Variants in PARVB observed in about 807,000 individuals in gnomAD.
PARVB encodes the protein parvin beta, also known as beta-parvin.
In PARVB, 46 loss-of-function variants were observed where a neutral mutation model predicts 47.0. That is an observed-to-expected ratio of 0.98 (90% CI 0.77 to 1.25). The LOEUF is 1.25. Ranked by LOEUF, PARVB falls within the 50% of genes most tolerant of loss-of-function variation. The probability of loss-of-function intolerance (pLI) is 0.00; values close to 1 mark genes in which losing one functional copy is unlikely to be tolerated. For missense variants in PARVB, 473 were observed against 471.6 expected (o/e 1.00, Z -0.03); for synonymous variants, 196 against 196.3 (o/e 1.00, Z 0.01).
At chr22:44,074,295 T>C (rs1021961618) in intron 1 of PARVB, among the ~76,000 whole-genome samples, 1 of 152,114 alleles carries the variant, frequency 6.6e-6, no homozygotes, top group African/African-American at 2.4e-5. Context: ...ACGGCCTGGG[T>C]GAGCAACACT....
At chr22:44,063,969 G>A (rs1383508481) in intron 1 of PARVB, among the ~76,000 whole-genome samples, 2 of 152,192 alleles carry the variant, frequency 1.3e-5, no homozygotes, top group Non-Finnish European at 2.9e-5. Flanking sequence ...GGTGCGGTGC[G>A]GCCTTTGATA....
chr22:44,033,892 CTTG>C (rs1481718490), intron 1 of PARVB, among the ~76,000 whole-genome samples: 3 of 152,194 alleles, frequency 2.0e-5, no homozygotes, highest in South Asian at 4.1e-4. Context: ...CCTGTCTGCC[CTTG>C]TTGTTTTCTG....
At chr22:44,139,119 G>C (rs1391552804) in intron 7 of PARVB, 3 of 152,228 alleles carry the variant, frequency 2.0e-5, no homozygotes, top group Non-Finnish European at 4.4e-5. Flanking sequence ...TGGTTCTCCA[G>C]GATCCTTTAG....
intron 2 of PARVB, among the ~76,000 whole-genome samples, chr22:44,095,764 C>T (rs974244279): frequency 3.3e-5 from 5 of 152,200 alleles, no homozygotes; most frequent in African/African-American, 7.2e-5. Context: ...AGGGAAGTCC[C>T]GGTTCATCCC....
intron 7 of PARVB, chr22:44,139,914 A>G (rs1330822188): frequency 2.5e-6 from 1 of 402,668 alleles, no homozygotes; most frequent in Non-Finnish European, 4.6e-6. Context: ...TTGTGCAAAC[A>G]TTAATAATTC....
At chr22:44,136,613 G>T in intron 7 of PARVB, 95 bp downstream of exon 7, 1 of 994,980 alleles carries the variant, frequency 1.0e-6, no homozygotes, top group Non-Finnish European at 1.6e-6. Context: ...AGCGCCCATG[G>T]GGCTGCTCCC....
At chr22:44,020,656 C>T (rs915320228), upstream of PARVB, among the ~76,000 whole-genome samples, 17 of 152,180 alleles carry the variant, frequency 1.1e-4, no homozygotes, top group Admixed American at 8.5e-4. Flanking sequence ...TTCTGATGAA[C>T]ACCAGAGGAA....
In PARVB at chr22:44,155,886, C is replaced by G. The variant is rs540987215; in HGVS notation, c.844-2096C>G. Among the ~76,000 whole-genome samples the G allele has an allele frequency of 2.0e-5, 3 of 152,246 alleles. No individual in the cohort carries two copies. In the South Asian group the frequency reaches 6.2e-4, roughly 32 times the overall value. ...CGTGTTGAATTTCCAGGCGCAGTGG[C>G]TCATGCCTGCAATCCTAGCACTTTG... On this transcript the variant is annotated intron_variant, in intron 10 of 12. Coordinates refer to ENST00000338758, the MANE Select transcript of PARVB (RefSeq NM_013327.5). The surrounding 1 kb of genome is among the most constrained non-coding windows in gnomAD (Gnocchi z 4.8).
intron 3 of PARVB, among the ~76,000 whole-genome samples, chr22:44,117,291 A>G (rs2052929768): frequency 6.8e-6 from 1 of 148,144 alleles, no homozygotes; most frequent in Non-Finnish European, 1.5e-5. Flanking sequence ...GCATCATGTA[A>G]GGGTCAGGGG....
At chr22:44,062,037 T>C (rs989628448) in intron 1 of PARVB, among the ~76,000 whole-genome samples, 3 of 152,202 alleles carry the variant, frequency 2.0e-5, no homozygotes, top group African/African-American at 7.2e-5. Context: ...ATCAAGGCGA[T>C]TGACTGTACT....
intron 2 of PARVB, among the ~76,000 whole-genome samples, chr22:44,016,500 CCAGA>C (rs2050584993): frequency 6.6e-6 from 1 of 152,120 alleles, no homozygotes; most frequent in Non-Finnish European, 1.5e-5. Flanking sequence ...GGGTATCACC[CCAGA>C]CAAATGAGGC....
chr22:44,060,663 G>T (rs533148912), intron 1 of PARVB, among the ~76,000 whole-genome samples: 2 of 152,078 alleles, frequency 1.3e-5, no homozygotes, highest in Non-Finnish European at 2.9e-5. Context: ...CACAGGCGAA[G>T]GAGAGGTCTC....
At chr22:44,001,879 G>A (rs562269762) in intron 2 of PARVB, among the ~76,000 whole-genome samples, 2 of 152,348 alleles carry the variant, frequency 1.3e-5, no homozygotes, top group African/African-American at 4.8e-5. Context: ...CTTTCCTTGA[G>A]ACATATGAGC....
chr22:44,088,659 A>G (rs1016496355), intron 1 of PARVB, among the ~76,000 whole-genome samples: 1 of 152,032 alleles, frequency 6.6e-6, no homozygotes, highest in African/African-American at 2.4e-5. Flanking sequence ...TTTAGTAGAG[A>G]CAGGGTTTCA....
intron 5 of PARVB, 26 bp from the exon 6 acceptor site, chr22:44,132,868 G>A (rs533955746): frequency 3.5e-5 from 53 of 1,524,260 alleles, no homozygotes; most frequent in Middle Eastern, 1.7e-4. Flanking sequence ...GATCTAAAGC[G>A]TCTCCCTTCC....
chr22:44,035,368 C>CTTTT (rs57745730), intron 1 of PARVB, among the ~76,000 whole-genome samples: 13 of 118,030 alleles, frequency 1.1e-4, no homozygotes, highest in African/African-American at 2.4e-4. Flanking sequence ...TTTCTTTTTC[C>CTTTT]TTTTTTTTTT....
chr22:44,073,446 G>A (rs1390329446), intron 1 of PARVB, among the ~76,000 whole-genome samples: 1 of 152,152 alleles, frequency 6.6e-6, no homozygotes, highest in African/African-American at 2.4e-5. Flanking sequence ...GTGAGCGGAG[G>A]TCGCGCCATT....
intron 11 of PARVB, among the ~76,000 whole-genome samples, chr22:44,159,311 G>A (rs2054003618): frequency 6.6e-6 from 1 of 152,200 alleles, no homozygotes; most frequent in Non-Finnish European, 1.5e-5. Context: ...GTTTAGCCAG[G>A]AGACCTAGGG....
intron 2 of PARVB, among the ~76,000 whole-genome samples, chr22:44,013,110 C>A (rs977582301): frequency 1.3e-5 from 2 of 152,102 alleles, no homozygotes; most frequent in African/African-American, 2.4e-5. Context: ...GTTGGCCAGG[C>A]TGATCTCAAA....
Sources: gnomAD v4.1 joint callset for allele counts (sites outside exome capture counted in the v4.1 genomes callset) on GRCh38, gnomAD v4.1.1 for gene constraint, Gnocchi (gnomAD v3.1) non-coding constraint, MANE v1.5 for transcripts, NCBI Gene and HGNC (gene_info 2026-07-23, HGNC 2026-07-21) for gene names.